Variants in TENM4 observed in about 807,000 individuals in gnomAD.
The protein encoded by TENM4 is teneurin-4.
Under a neutral mutation model 243.3 loss-of-function variants are expected in TENM4, and 82 were observed. The ratio of observed to expected loss-of-function variants is 0.34; its 90% CI spans 0.28 to 0.40. TENM4 has a LOEUF of 0.40. Among genes scored for constraint, TENM4 ranks in the 10% least tolerant of loss-of-function variants. The probability of loss-of-function intolerance (pLI) is 1.00; values close to 1 mark genes in which losing one functional copy is unlikely to be tolerated. For synonymous variants in TENM4, 1,412 were observed against 1,456.3 expected, an observed-to-expected ratio of 0.97 and a Z score of 0.69; for missense variants, 3,138 against 3,673.3, an observed-to-expected ratio of 0.85 and a Z score of 3.77.
intron 1 of TENM4, among the ~76,000 whole-genome samples, chr11:79,301,273 G>C (rs1169464676): frequency 6.6e-6 from 1 of 152,160 alleles, no homozygotes; most frequent in Admixed American, 6.5e-5. Flanking sequence ...TCCAGAACCT[G>C]GCTTCTGTAC....
At chr11:78,935,199 G>A (rs953657652) in intron 6 of TENM4, among the ~76,000 whole-genome samples, 6 of 151,128 alleles carry the variant, frequency 4.0e-5, no homozygotes, top group Non-Finnish European at 7.4e-5. Flanking sequence ...TTTTAGTAGA[G>A]ACGGGGTTTC....
chr11:78,709,134 ATTTT>A (rs372114866), intron 26 of TENM4, among the ~76,000 whole-genome samples: 7 of 126,138 alleles, frequency 5.5e-5, no homozygotes, highest in African/African-American at 1.6e-4. Context: ...TGCCTGGCTA[ATTTT>A]TTTTTTTTTT....
At chr11:79,108,435 C>T (rs998956754) in intron 4 of TENM4, among the ~76,000 whole-genome samples, 5 of 152,090 alleles carry the variant, frequency 3.3e-5, no homozygotes, top group African/African-American at 7.2e-5. Flanking sequence ...CCCACAATCA[C>T]GTGAGCCAAT....
At chr11:78,739,882 G>C (rs1365402708) in intron 19 of TENM4, among the ~76,000 whole-genome samples, 1 of 152,156 alleles carries the variant, frequency 6.6e-6, no homozygotes, top group South Asian at 2.1e-4. Flanking sequence ...TGTGCCCGAA[G>C]CTCCATAGAA....
chr11:79,356,717 C>T (rs1262833611), intron 1 of TENM4, among the ~76,000 whole-genome samples: 1 of 151,894 alleles, frequency 6.6e-6, no homozygotes, highest in East Asian at 1.9e-4. Context: ...ATCATCATCA[C>T]TATTATTAGT....
intron 19 of TENM4, among the ~76,000 whole-genome samples, chr11:78,747,777 G>A (rs1464054776): frequency 2.0e-5 from 3 of 152,242 alleles, no homozygotes; most frequent in Non-Finnish European, 4.4e-5. Context: ...TATTAGTAAT[G>A]TGAAACATGG....
Position 78,676,266 on chromosome 11 carries a change from G to A in TENM4, c.5382C>T (p.Thr1794=), listed in dbSNP as rs79381517. ...PHLLAGTVNP[T]VGKRNVTLPI... ...GCAGCGTGACATTCCTCTTGCCCAC[G>A]GTGGGGTTGACGGTGCCAGCCAGCA... The change falls in exon 30 of 34, where the codon ACC becomes ACT. Residue 1794 remains threonine, a synonymous_variant. Coordinates refer to ENST00000278550, the MANE Select transcript of TENM4 (RefSeq NM_001098816.3). 2.0e-3 allele frequency: 3,254 copies of A among 1,612,726 alleles called. 54 individuals are homozygous for A. The African/African-American group carries it at 0.034, about 17-fold the overall frequency.
intron 2 of TENM4, among the ~76,000 whole-genome samples, chr11:79,275,967 G>T (rs1231576121): frequency 6.6e-6 from 1 of 152,202 alleles, no homozygotes. Flanking sequence ...TTTATGTGGG[G>T]GGAAGGTAGA....
intron 19 of TENM4, among the ~76,000 whole-genome samples, chr11:78,751,381 C>A (rs1442027607): frequency 6.6e-6 from 1 of 152,198 alleles, no homozygotes; most frequent in Non-Finnish European, 1.5e-5. Flanking sequence ...TCAGCTGAGT[C>A]TTGTAGCTCC....
At chr11:79,065,559 G>A (rs183009574) in intron 5 of TENM4, among the ~76,000 whole-genome samples, 184 of 152,348 alleles carry the variant, frequency 1.2e-3, no homozygotes, top group African/African-American at 4.2e-3. Flanking sequence ...AAGCCCAGTC[G>A]ATGAGATCTA....
chr11:78,926,523 C>T (rs1281614542), intron 6 of TENM4, among the ~76,000 whole-genome samples: 4 of 152,050 alleles, frequency 2.6e-5, no homozygotes, highest in African/African-American at 4.8e-5. Context: ...CCGCCCGCCT[C>T]GGCCTCCCAA....
intron 4 of TENM4, among the ~76,000 whole-genome samples, chr11:79,133,653 C>A (rs1156340043): frequency 4.6e-5 from 7 of 152,220 alleles, no homozygotes; most frequent in East Asian, 1.9e-4. Context: ...AAATAATTCA[C>A]CTGATCAAGT....
rs1862862384 is a variant in TENM4, at chr11:79,164,528, A to ACTATATAGTACTATATATAT, written c.-162-15742_-162-15723dup. On this transcript the variant is annotated intron_variant, in intron 3 of 33. Transcript: ENST00000278550. Reference sequence around the variant, plus strand: ...TATACACTATACATACTATATATATACTATATAGTACTATATATATCTATA... The same window carrying ACTATATAGTACTATATATAT: ...TATACACTATACATACTATATATATACTATATAGTACTATATATATCTATATAGTACTATATATATCTATA... 4.1e-5 allele frequency among the ~76,000 whole-genome samples: 5 copies of ACTATATAGTACTATATATAT among 122,362 alleles called. No individual in the cohort carries two copies. In the South Asian group the frequency reaches 1.5e-3, roughly 37 times the overall value. The allele number at this position is 122,362 out of a possible 152,430, so 80.3% of individuals were successfully genotyped here. A position where few individuals can be genotyped will look rare whatever the true frequency, so the allele number is the denominator to read the frequency against.
At chr11:79,251,428 A>C (rs1855610340) in intron 2 of TENM4, among the ~76,000 whole-genome samples, 1 of 152,228 alleles carries the variant, frequency 6.6e-6, no homozygotes, top group African/African-American at 2.4e-5. Flanking sequence ...TAAAATCCTA[A>C]ACCAAGAAAT....
chr11:79,236,917 C>G (rs1590816576), intron 2 of TENM4, among the ~76,000 whole-genome samples: 1 of 152,090 alleles, frequency 6.6e-6, no homozygotes, highest in Non-Finnish European at 1.5e-5. Context: ...GCTCTGCTGT[C>G]TGGTTCCCGG....
intron 7 of TENM4, among the ~76,000 whole-genome samples, chr11:78,897,517 C>T (rs1037913851): frequency 1.3e-5 from 2 of 152,146 alleles, no homozygotes; most frequent in Non-Finnish European, 2.9e-5. Context: ...AGCACCTGGC[C>T]GTTCCCAGTA....
At chr11:79,343,108 C>T (rs1171665064) in intron 1 of TENM4, among the ~76,000 whole-genome samples, 1 of 152,228 alleles carries the variant, frequency 6.6e-6, no homozygotes, top group Non-Finnish European at 1.5e-5. Context: ...GCAGCCAACC[C>T]CTAGCATGGA....
chr11:79,294,355 T>C (rs1209225605), intron 2 of TENM4, among the ~76,000 whole-genome samples: 2 of 152,190 alleles, frequency 1.3e-5, no homozygotes, highest in Non-Finnish European at 2.9e-5. Flanking sequence ...AGCCCCGTTA[T>C]TGACTTTACC....
At chr11:79,297,903 T>G (rs11824380) in intron 1 of TENM4, among the ~76,000 whole-genome samples, 25,653 of 151,436 alleles carry the variant, frequency 0.17, 2,355 homozygotes, top group African/African-American at 0.24. Flanking sequence ...CTCAACACAT[T>G]CATGTCCAAC....
Sources: gnomAD v4.1 joint callset for allele counts (sites outside exome capture counted in the v4.1 genomes callset) on GRCh38, gnomAD v4.1.1 for gene constraint, MANE v1.5 for transcripts, NCBI Gene and HGNC (gene_info 2026-07-23, HGNC 2026-07-21) for gene names.